The following USP34 variants were observed in gnomAD, a reference collection of about 807,000 sequenced individuals.
USP34 encodes the protein ubiquitin carboxyl-terminal hydrolase 34.
A neutral mutation model predicts 460.3 loss-of-function variants in USP34; 70 were observed. The observed-to-expected ratio is 0.15, with a 90% CI of 0.13 to 0.19. The LOEUF is 0.19. Among genes scored for constraint, USP34 ranks in the 10% least tolerant of loss-of-function variants. The pLI is 1.00. For missense variants in USP34, 3,985 were observed against 4,236.2 expected, an observed-to-expected ratio of 0.94 and a Z score of 1.65; for synonymous variants, 1,647 against 1,405.3, an observed-to-expected ratio of 1.17 and a Z score of -3.85.
chr2:61,371,280 A>G (rs1421130253), intron 8 of USP34, among the ~76,000 whole-genome samples: 1 of 152,192 alleles, frequency 6.6e-6, no homozygotes, highest in Non-Finnish European at 1.5e-5. Flanking sequence ...CCAGTCATAT[A>G]AAAGTATAGC....
In USP34 at chr2:61,214,065, G is replaced by A. The variant is rs1224374073; in HGVS notation, c.8677C>T (p.Pro2893Ser). ...AGAGTATCAATTTTACTCACTCCAG[G>A]GTATTGGCTGGCATGTGGTGTAAGA... The part of the protein sequence containing the change: ...KNLTPHASQY[P>S]GAVEELFNLM... The change falls in exon 68 of 80, where the codon CCT becomes TCT. Residue 2893 changes from proline (P) to serine (S), a missense_variant. Around this residue, in one of 14 missense-constraint regions of USP34, gnomAD observed 275 missense variants for 292.7 expected, o/e 0.94. Coordinates refer to ENST00000398571, the MANE Select transcript of USP34 (RefSeq NM_014709.4). The A allele has an allele frequency of 6.2e-7, 1 of 1,614,048 alleles. No individual in the cohort carries two copies. Among genetic ancestry groups the A allele is most frequent in the African/African-American group, 1.3e-5 (1 of 74,926 alleles).
At chr2:61,280,634 T>C (rs1044040861) in intron 38 of USP34, among the ~76,000 whole-genome samples, 2 of 152,138 alleles carry the variant, frequency 1.3e-5, no homozygotes, top group Non-Finnish European at 1.5e-5. Flanking sequence ...ACACTGAATT[T>C]CTGGGGTTAG....
At position 61,392,162 on chromosome 2, in the gene USP34, T is replaced by C. The variant is rs181299411; in HGVS notation, c.753+2691A>G. On this transcript the variant is annotated intron_variant, in intron 5 of 79. Transcript: ENST00000398571. Reference sequence around the variant, plus strand: ...GGTTGGGCAACAGCGTAACCCCATCTCTACAAAAACAATTTTTAATTTAGC... The same window carrying C: ...GGTTGGGCAACAGCGTAACCCCATCCCTACAAAAACAATTTTTAATTTAGC... Among the ~76,000 whole-genome samples, 3 of 152,206 alleles carry C rather than the reference T, an allele frequency of 2.0e-5. No individual in the cohort carries two copies. The East Asian group carries it at 5.8e-4, about 29-fold the overall frequency.
chr2:61,380,560 C>T (rs1174785366), intron 6 of USP34, among the ~76,000 whole-genome samples, 199 bp from the exon 7 acceptor site: 1 of 151,734 alleles, frequency 6.6e-6, no homozygotes, highest in African/African-American at 2.4e-5. Flanking sequence ...CATTAGTCTT[C>T]CTCAAGGCCT....
chr2:61,250,338 T>C (rs780384203), intron 48 of USP34: 9 of 175,078 alleles, frequency 5.1e-5, no homozygotes, highest in Non-Finnish European at 8.6e-5. Flanking sequence ...CCAGAAAATA[T>C]TCCCCCCAAG....
intron 5 of USP34, among the ~76,000 whole-genome samples, 186 bp from the exon 6 acceptor site, chr2:61,383,522 G>C (rs1283965864): frequency 6.6e-6 from 1 of 152,108 alleles, no homozygotes; most frequent in Non-Finnish European, 1.5e-5. Context: ...GGCCAACACA[G>C]TAAAACCCCG....
chr2:61,439,601 TTAGGA>T (rs1694909099), intron 1 of USP34, among the ~76,000 whole-genome samples: 1 of 152,042 alleles, frequency 6.6e-6, no homozygotes, highest in Non-Finnish European at 1.5e-5. Flanking sequence ...GGTACTCAGG[TTAGGA>T]TATCTGACGG....
intron 3 of USP34, among the ~76,000 whole-genome samples, chr2:61,402,132 T>C (rs1476963367): frequency 2.0e-5 from 3 of 151,810 alleles, no homozygotes; most frequent in Non-Finnish European, 4.4e-5. Context: ...AAAATAAACT[T>C]AGCCAGGCAC....
Position 61,359,782 on chromosome 2 carries a change from T to G in USP34, c.1252-9089A>C, listed in dbSNP as rs1165944773. 5.7e-5 allele frequency among the ~76,000 whole-genome samples: 8 copies of G among 141,356 alleles called. No individual in the cohort carries two copies. The East Asian group carries it at 1.0e-3, about 18-fold the overall frequency. The allele number at this position is 141,356 out of a possible 152,430, so 92.7% of individuals were successfully genotyped here. ...CATATATGAAAAGCCCACAGTTGTT[T>G]TTTTTTTTTTTTTTTTTTTTGAGAC... is the stretch of plus-strand genomic sequence containing the variant. On this transcript the variant is annotated intron_variant, in intron 10 of 79. Coordinates refer to ENST00000398571, the MANE Select transcript of USP34 (RefSeq NM_014709.4).
chr2:61,316,880 C>T (rs915837252), intron 23 of USP34, among the ~76,000 whole-genome samples: 1 of 152,046 alleles, frequency 6.6e-6, no homozygotes, highest in Non-Finnish European at 1.5e-5. Context: ...AGCCAGACTC[C>T]ATCTCAAAAA....
chr2:61,399,750 G>A (rs1573003484), intron 3 of USP34, among the ~76,000 whole-genome samples: 1 of 151,516 alleles, frequency 6.6e-6, no homozygotes, highest in South Asian at 2.1e-4. Context: ...GCGGGCGCCT[G>A]TAATCCCAAC....
chr2:61,370,252 A>G, intron 10 of USP34, 69 bp downstream of exon 10: 2 of 1,484,836 alleles, frequency 1.3e-6, no homozygotes, highest in Non-Finnish European at 9.3e-7. Flanking sequence ...AATAGAATTT[A>G]CCTCACAGAG....
chr2:61,340,866 T>C (rs1691576692), intron 16 of USP34, among the ~76,000 whole-genome samples: 1 of 151,876 alleles, frequency 6.6e-6, no homozygotes, highest in South Asian at 2.1e-4. Context: ...GTCTTTTTTT[T>C]TTTTTTTTGG....
chr2:61,398,079 A>G (rs1449299558), intron 3 of USP34, among the ~76,000 whole-genome samples: 2 of 151,914 alleles, frequency 1.3e-5, no homozygotes, highest in East Asian at 2.0e-4. Flanking sequence ...TCCAAAAAAA[A>G]AGATTGCTTT....
intron 5 of USP34, among the ~76,000 whole-genome samples, chr2:61,388,735 G>A (rs532273460): frequency 2.0e-5 from 3 of 150,350 alleles, no homozygotes; most frequent in South Asian, 2.1e-4. Context: ...CAGCCTGGGC[G>A]ACAGAGCAAG....
At position 61,223,158 on chromosome 2, in the gene USP34, G is replaced by C. The variant is rs759732416; in HGVS notation, c.7651C>G (p.Pro2551Ala). Reference protein sequence around the residue: ...MAALTGGKGFPFLFQHIRDGI... With the variant: ...MAALTGGKGFAFLFQHIRDGI... ...TCACGAATATGTTGAAACAAGAAGGGAAATCCCTGTCAAAAGCAAAAGTTG... is the reference window on the plus strand; with the variant it reads ...TCACGAATATGTTGAAACAAGAAGGCAAATCCCTGTCAAAAGCAAAAGTTG... Residue 2551 changes from proline to alanine, a missense_variant, in exon 64 of 80, where the codon CCC becomes GCC. By Grantham distance (27) the Pro-to-Ala change is conservative. This residue lies in a region of USP34 where 604 missense variants were observed against 684.8 expected (regional missense o/e 0.88). Transcript: ENST00000398571. 3.2e-5 allele frequency: 52 copies of C among 1,613,476 alleles called. No individual in the cohort carries two copies. Among genetic ancestry groups the C allele is most frequent in the Non-Finnish European group, 4.3e-5 (51 of 1,179,736 alleles).
At chr2:61,256,776 G>T in intron 47 of USP34, 97 bp downstream of exon 47, 1 of 923,920 alleles carries the variant, frequency 1.1e-6, no homozygotes, top group Non-Finnish European at 1.5e-6. Context: ...ATAAAAACAT[G>T]AAAAAAGTTT....
chr2:61,369,998 A>AC (rs1298347534), intron 10 of USP34, among the ~76,000 whole-genome samples: 3 of 151,684 alleles, frequency 2.0e-5, no homozygotes, highest in East Asian at 1.9e-4. Flanking sequence ...AAAAAAAAAA[A>AC]AAAACAGTAC....
At chr2:61,447,889 T>G (rs1695164965) in intron 1 of USP34, among the ~76,000 whole-genome samples, 1 of 152,158 alleles carries the variant, frequency 6.6e-6, no homozygotes, top group African/African-American at 2.4e-5. Flanking sequence ...CTAATTTTTG[T>G]ATTTTTAGTA....
Sources: allele counts gnomAD v4.1 joint callset (sites outside exome capture counted in the v4.1 genomes callset), GRCh38; gene constraint gnomAD v4.1.1; regional missense constraint gnomAD v4.1.1; transcripts MANE v1.5; gene names NCBI Gene and HGNC (gene_info 2026-07-23, HGNC 2026-07-21).